Variants in SMC4 observed in about 807,000 individuals in gnomAD.
The protein encoded by SMC4 is structural maintenance of chromosomes 4.
Under a neutral mutation model 145.6 loss-of-function variants are expected in SMC4, and 87 were observed. The ratio of observed to expected loss-of-function variants is 0.60; its 90% CI spans 0.50 to 0.71. The LOEUF (loss-of-function observed/expected upper bound fraction) is 0.71, where lower values mean the gene tolerates loss of function less well. Ranked by LOEUF, SMC4 falls within the 30% of genes least tolerant of loss-of-function variation. The pLI is 0.00. For missense variants in SMC4, 1,447 were observed against 1,537.1 expected (o/e 0.94, Z 0.98); for synonymous variants, 558 against 500.7 (o/e 1.11, Z -1.53).
Position 160,423,554 on chromosome 3 carries a change from G to C in SMC4, c.2149G>C (p.Val717Leu), listed in dbSNP as rs988732174. The change falls in exon 14 of 24, where the codon GTA becomes CTA. Residue 717 changes from valine to leucine, a missense_variant. Val to Leu is a conservative substitution (Grantham distance 32). Coordinates refer to ENST00000357388, the MANE Select transcript of SMC4 (RefSeq NM_001002800.3). ...AFYFALRDTL[V>L]ADNLDQATRV... ...TTATTTTGCTTTACGAGATACCTTA[G>C]TAGCTGACAACTTGGATCAAGCCAC... 5 of 1,613,800 alleles carry C rather than the reference G, an allele frequency of 3.1e-6. No homozygotes were observed. The highest frequency in any genetic ancestry group is 3.3e-4 in the Middle Eastern group (2 of 6,060).
intron 7 of SMC4, among the ~76,000 whole-genome samples, chr3:160,413,271 A>G (rs1391545265): frequency 2.0e-5 from 3 of 152,060 alleles, no homozygotes; most frequent in East Asian, 3.9e-4. Flanking sequence ...GGCGTCGGCC[A>G]CCACATTGGT....
At chr3:160,404,630 G>C (rs763659036) in intron 5 of SMC4, 126 bp downstream of exon 5, 2 of 865,478 alleles carry the variant, frequency 2.3e-6, no homozygotes, top group African/African-American at 1.6e-5. Flanking sequence ...TGGTTTACAT[G>C]CTACAGTCAA....
chr3:160,414,662 CCCT>C, intron 9 of SMC4, 145 bp downstream of exon 9: 5 of 861,026 alleles, frequency 5.8e-6, no homozygotes, highest in Non-Finnish European at 8.9e-6. Context: ...TGATTTTACC[CCCT>C]CAAGGGAAAC....
intron 17 of SMC4, 31 bp downstream of exon 17, chr3:160,426,231 GAAA>G: frequency 8.1e-7 from 1 of 1,238,516 alleles, no homozygotes; most frequent in Non-Finnish European, 1.1e-6. Context: ...TTTTTGGGGG[GAAA>G]AAAAAAACAG....
At chr3:160,401,399 G>T (rs941335537) in intron 2 of SMC4, among the ~76,000 whole-genome samples, 2 of 152,130 alleles carry the variant, frequency 1.3e-5, no homozygotes, top group African/African-American at 4.8e-5. Context: ...CCGTTAAAGA[G>T]AAGACGATAA....
chr3:160,432,579 G>C, intron 22 of SMC4, 64 bp downstream of exon 22: 1 of 1,061,676 alleles, frequency 9.4e-7, no homozygotes, highest in Non-Finnish European at 1.3e-6. Context: ...TCCAAACTCA[G>C]TATTTCTTGG....
At chr3:160,431,615 C>G in intron 20 of SMC4, 28 bp from the exon 21 acceptor site, 2 of 1,520,512 alleles carry the variant, frequency 1.3e-6, no homozygotes, top group Non-Finnish European at 1.8e-6. Flanking sequence ...TATGCCTTCT[C>G]TAACTCTCCC....
At chr3:160,402,650 G>A (rs1021177764) in intron 3 of SMC4, 26 bp from the exon 4 acceptor site, 1 of 1,588,572 alleles carries the variant, frequency 6.3e-7, no homozygotes, top group Non-Finnish European at 8.5e-7. Flanking sequence ...ACTTTTCCGT[G>A]TTTTGTTTTT....
chr3:160,432,254 A>G, intron 21 of SMC4, 29 bp from the exon 22 acceptor site: 1 of 1,429,046 alleles, frequency 7.0e-7, no homozygotes, highest in African/African-American at 1.4e-5. Flanking sequence ...TTATCTGAAT[A>G]GATTTTCCCT....
chr3:160,420,446 T>A (rs1375582209), intron 12 of SMC4: 5 of 304,622 alleles, frequency 1.6e-5, no homozygotes, highest in Non-Finnish European at 3.0e-5. Flanking sequence ...TAATTTTAGA[T>A]GCTTTTCAAT....
rs778869442 is a variant in SMC4, at chr3:160,402,882, C to G, written c.510+15C>G. 3.8e-5 allele frequency: 58 copies of G among 1,513,476 alleles called. No homozygotes were observed. The highest frequency in any genetic ancestry group is 4.9e-5 in the Non-Finnish European group (56 of 1,135,900). The allele number at this position is 1,513,476 out of a possible 1,614,324, so 93.8% of individuals were successfully genotyped here. On this transcript the variant is annotated intron_variant, in intron 4 of 23. Coordinates refer to ENST00000357388, the MANE Select transcript of SMC4 (RefSeq NM_001002800.3). ...TAATTGATAAGGTAAGGGATTTTTA[C>G]TGTTATTGGCAAGTTCAAGTAAGGA...
chr3:160,409,565 T>A (rs1559993537), intron 5 of SMC4, among the ~76,000 whole-genome samples: 1 of 152,192 alleles, frequency 6.6e-6, no homozygotes, highest in Non-Finnish European at 1.5e-5. Context: ...CGTAAACTGT[T>A]AAACACTGAA....
chr3:160,414,273 A>G, intron 8 of SMC4, 94 bp from the exon 9 acceptor site: 1 of 1,007,640 alleles, frequency 9.9e-7, no homozygotes, highest in Non-Finnish European at 1.6e-6. Flanking sequence ...AAGAGCCTGG[A>G]CATATTTATA....
Position 160,412,037 on chromosome 3 carries a change from G to A in SMC4, c.805G>A (p.Val269Ile), listed in dbSNP as rs1164474589. The part of the protein sequence containing the change: ...GCGRLNEPIK[V>I]LCRRVEILNE... ...TGGACGGCTAAATGAACCTATTAAA[G>A]TCTTGTGTCGGAGAGTTGAAATATT... The change falls in exon 6 of 24, where the codon GTC becomes ATC. Residue 269 changes from valine (V) to isoleucine (I), a missense_variant. By Grantham distance (29) the Val-to-Ile change is conservative (BLOSUM62 3). Coordinates refer to ENST00000357388, the MANE Select transcript of SMC4 (RefSeq NM_001002800.3). 2 of 1,613,494 alleles carry A rather than the reference G, an allele frequency of 1.2e-6. No homozygotes were observed. The highest frequency in any genetic ancestry group is 2.7e-5 in the African/African-American group (2 of 74,906).
intron 23 of SMC4, 104 bp downstream of exon 23, chr3:160,433,313 T>C: frequency 3.9e-6 from 3 of 768,258 alleles, no homozygotes; most frequent in Non-Finnish European, 6.3e-6. Flanking sequence ...TTCTTTATTG[T>C]CTAATAACTC....
intron 4 of SMC4, among the ~76,000 whole-genome samples, chr3:160,403,498 A>G (rs966225747): frequency 1.1e-4 from 16 of 152,150 alleles, no homozygotes; most frequent in African/African-American, 3.6e-4. Context: ...GATGGAACCT[A>G]AAAATATAGA....
At chr3:160,417,593 A>G in intron 10 of SMC4, 130 bp from the exon 11 acceptor site, 4 of 744,308 alleles carry the variant, frequency 5.4e-6, no homozygotes, top group Non-Finnish European at 8.7e-6. Context: ...ACTTGTGAGA[A>G]TTTCTTATTT....
chr3:160,412,127 T>C, intron 6 of SMC4, 43 bp downstream of exon 6: 1 of 1,576,206 alleles, frequency 6.3e-7, no homozygotes, highest in Non-Finnish European at 8.6e-7. Flanking sequence ...GAATGTTTCA[T>C]TTATGATCTA....
chr3:160,413,211 T>C (rs1365838221), intron 7 of SMC4, among the ~76,000 whole-genome samples: 2 of 152,120 alleles, frequency 1.3e-5, no homozygotes, highest in Non-Finnish European at 2.9e-5. Context: ...CTCAAACTTC[T>C]GAGTTCAGGC....
Sources: gnomAD v4.1 joint callset for allele counts (sites outside exome capture counted in the v4.1 genomes callset) on GRCh38, gnomAD v4.1.1 for gene constraint, MANE v1.5 for transcripts, NCBI Gene and HGNC (gene_info 2026-07-23, HGNC 2026-07-21) for gene names.